Variants in OSBPL5 observed in about 807,000 individuals in gnomAD.
OSBPL5 encodes the protein oxysterol-binding protein-related protein 5.
Under a neutral mutation model 111.2 loss-of-function variants are expected in OSBPL5, and 71 were observed. That is an observed-to-expected ratio of 0.64 (90% confidence interval 0.53 to 0.78). The LOEUF (loss-of-function observed/expected upper bound fraction) is 0.78, where lower values mean the gene tolerates loss of function less well. Among genes scored for constraint, OSBPL5 ranks in the 30% least tolerant of loss-of-function variants. The pLI is 0.00. For missense variants in OSBPL5, 1,210 were observed against 1,189.3 expected (o/e 1.02, Z -0.26); for synonymous variants, 549 against 513.9 (o/e 1.07, Z -0.93).
chr11:3,157,250 C>T (rs1846799185), intron 1 of OSBPL5, among the ~76,000 whole-genome samples: 2 of 152,140 alleles, frequency 1.3e-5, no homozygotes, highest in Non-Finnish European at 2.9e-5. Context: ...CCTTGCGGGG[C>T]CCAGATCTAA....
intron 14 of OSBPL5, 36 bp downstream of exon 14, chr11:3,100,122 G>T (rs1200600836): frequency 1.3e-6 from 2 of 1,595,786 alleles, no homozygotes; most frequent in Non-Finnish European, 1.7e-6. Flanking sequence ...CACAGAGCCT[G>T]GCTCTGCCCT....
intron 14 of OSBPL5, among the ~76,000 whole-genome samples, chr11:3,096,952 GGGA>G (rs375654592): frequency 1.4e-5 from 2 of 141,160 alleles, no homozygotes; most frequent in African/African-American, 2.7e-5. Context: ...GGGAGGAGAT[GGGA>G]GGAGGAGAAG....
rs552382553 is a variant in OSBPL5 at position 3,098,495 on chromosome 11, A to ATTTTTTTTTTTTT, written c.1621+1650_1621+1662dup. 1.2e-3 allele frequency among the ~76,000 whole-genome samples: 95 copies of ATTTTTTTTTTTTT among 81,190 alleles called. 7 individuals carry two copies. Among genetic ancestry groups the ATTTTTTTTTTTTT allele is most frequent in the African/African-American group, 2.9e-3 (46 of 15,912 alleles). The allele number at this position is 81,190 out of a possible 152,430, so 53.3% of individuals were successfully genotyped here. A position where few individuals can be genotyped will look rare whatever the true frequency, so the allele number is the denominator to read the frequency against. On this transcript the variant is annotated intron_variant, in intron 14 of 21. Coordinates refer to ENST00000263650, the MANE Select transcript of OSBPL5 (RefSeq NM_020896.4). ...TCAAGCCATAAAAAGACATGAAGGA[A>ATTTTTTTTTTTTT]TTTTTTTTTTTTTTTTTTTTTTTTT...
At position 3,165,243 on chromosome 11, in the gene OSBPL5, C is replaced by T. The variant is rs539209644; in HGVS notation, c.-49G>A. 52 of 151,020 alleles carry T rather than the reference C, an allele frequency of 3.4e-4. No homozygotes were observed. The highest frequency in any genetic ancestry group is 1.2e-3 in the African/African-American group (51 of 41,350). 9.4% of individuals were successfully genotyped at this position (151,020 alleles called of 1,614,324 possible). A position where few individuals can be genotyped will look rare whatever the true frequency, so the allele number is the denominator to read the frequency against. On this transcript the variant is annotated 5_prime_UTR_variant, in exon 1 of 22. Transcript: ENST00000263650. This position sits in a 1 kb window ranked among gnomAD's most constrained non-coding sequence, Gnocchi z 7.4. ...CCTACCGTGCCGCGAGCTCGGTGCT[C>T]CGGGCCGGCCGGGCGCGCGGGGGCT... is the stretch of plus-strand genomic sequence containing the variant.
chr11:3,090,779 C>T, intron 19 of OSBPL5, 83 bp from the exon 20 acceptor site: 1 of 1,489,268 alleles, frequency 6.7e-7, no homozygotes, highest in Non-Finnish European at 9.0e-7. Context: ...ATGCTTATGC[C>T]AGGACAGTGC....
At chr11:3,157,477 C>T (rs558154015) in intron 1 of OSBPL5, among the ~76,000 whole-genome samples, 1 of 152,226 alleles carries the variant, frequency 6.6e-6, no homozygotes, top group South Asian at 2.1e-4. Context: ...GGCAGCACCC[C>T]GATGGAGGCA....
chr11:3,103,293 G>A lies in OSBPL5; in HGVS notation c.1272C>T (p.Ser424=). Residue 424 remains serine, a synonymous_variant, in exon 11 of 22, where the codon AGC becomes AGT. Coordinates refer to ENST00000263650, the MANE Select transcript of OSBPL5 (RefSeq NM_020896.4). ...SRAAVEEDAY[S]RMKLVLRWYL... ...ACCACCGCAGCACCAGCTTCATGCGGCTGTAGGCATCCTCCTCCACCGCAG... is the reference window on the plus strand; with the variant it reads ...ACCACCGCAGCACCAGCTTCATGCGACTGTAGGCATCCTCCTCCACCGCAG... 6.2e-7 allele frequency: 1 copy of A among 1,607,996 alleles called. No individual in the cohort carries two copies. Among genetic ancestry groups the A allele is most frequent in the Non-Finnish European group, 8.5e-7 (1 of 1,177,280 alleles).
At chr11:3,093,350 C>T in intron 17 of OSBPL5, 177 bp downstream of exon 17, 1 of 1,057,390 alleles carries the variant, frequency 9.5e-7, no homozygotes, top group Non-Finnish European at 1.3e-6. Context: ...GGCCACACCC[C>T]TTCCCTCCAT....
In OSBPL5 at chr11:3,100,975, T is replaced by C. The variant is rs1394728969; in HGVS notation, c.1522+628A>G. Among the ~76,000 whole-genome samples, 20 of 102,790 alleles carry C rather than the reference T, an allele frequency of 1.9e-4. No homozygotes were observed. In the East Asian group the frequency reaches 2.8e-3, roughly 14 times the overall value. 67.4% of individuals were successfully genotyped at this position (102,790 alleles called of 152,430 possible). A position where few individuals can be genotyped will look rare whatever the true frequency, so the allele number is the denominator to read the frequency against. On this transcript the variant is annotated intron_variant, in intron 13 of 21. Coordinates refer to ENST00000263650, the MANE Select transcript of OSBPL5 (RefSeq NM_020896.4). ...ACTGCAGTTTCAGTTTCATTTCTTTTTTTTTTTTTTTTTTTTTGAGACAGA... is the reference window on the plus strand; with the variant it reads ...ACTGCAGTTTCAGTTTCATTTCTTTCTTTTTTTTTTTTTTTTTGAGACAGA...
At chr11:3,131,764 TCTTC>T (rs1845799504) in intron 1 of OSBPL5, among the ~76,000 whole-genome samples, 1 of 77,722 alleles carries the variant, frequency 1.3e-5, no homozygotes. Flanking sequence ...CCATCCACCA[TCTTC>T]CCATCCATCC....
At chr11:3,102,807 A>AGG in intron 11 of OSBPL5, among the ~76,000 whole-genome samples, 1 of 152,272 alleles carries the variant, frequency 6.6e-6, no homozygotes, top group Middle Eastern at 3.4e-3. Flanking sequence ...CTACAACGAG[A>AGG]GCAGCCCTGC....
chr11:3,094,502 G>A (rs1245491960), intron 14 of OSBPL5, 168 bp from the exon 15 acceptor site: 10 of 599,344 alleles, frequency 1.7e-5, no homozygotes, highest in Non-Finnish European at 3.0e-5. Context: ...GGAGGCGCTG[G>A]GAGCAGAACC....
At position 3,130,266 on chromosome 11, in the gene OSBPL5, G is replaced by A. The variant is rs1858780069; in HGVS notation, c.-21-1097C>T. 6.6e-6 allele frequency among the ~76,000 whole-genome samples: 1 copy of A among 152,226 alleles called. No individual in the cohort carries two copies. On this transcript the variant is annotated intron_variant, in intron 1 of 21. Coordinates refer to ENST00000263650, the MANE Select transcript of OSBPL5 (RefSeq NM_020896.4). The surrounding 1 kb of genome is among the most constrained non-coding windows in gnomAD (Gnocchi z 4.5). ...CATCTTGTGTCCACTTCCCAAGGGCGAGCTCCTTAAAAACTACTGGTCAAT... is the reference window on the plus strand; with the variant it reads ...CATCTTGTGTCCACTTCCCAAGGGCAAGCTCCTTAAAAACTACTGGTCAAT...
At position 3,092,374 on chromosome 11, in the gene OSBPL5, G is replaced by T. The variant is rs1199527282; in HGVS notation, c.2259+58C>A. On this transcript the variant is annotated intron_variant, in intron 19 of 21. Coordinates refer to ENST00000263650, the MANE Select transcript of OSBPL5 (RefSeq NM_020896.4). This position sits in a 1 kb window ranked among gnomAD's most constrained non-coding sequence, Gnocchi z 5.4. ...AGGAGTGAGGTGAGGAGCGAGGGGTGGTGGTGGCCACACGTGCAGCTAAGA... is the reference window on the plus strand; with the variant it reads ...AGGAGTGAGGTGAGGAGCGAGGGGTTGTGGTGGCCACACGTGCAGCTAAGA... The T allele has an allele frequency of 2.7e-6, 4 of 1,508,560 alleles. No individual in the cohort carries two copies. Among genetic ancestry groups the T allele is most frequent in the Non-Finnish European group, 8.9e-7 (1 of 1,123,424 alleles). The allele number at this position is 1,508,560 out of a possible 1,614,324, so 93.4% of individuals were successfully genotyped here.
chr11:3,154,765 G>A lies in OSBPL5; in HGVS notation c.-22+10451C>T, dbSNP rs545560091. Reference sequence around the variant, plus strand: ...CTCAGCCCCTAGGACCTGAGAAAGCGGCTGTACTTGGAGATGGGGTCTTTA... The same window carrying A: ...CTCAGCCCCTAGGACCTGAGAAAGCAGCTGTACTTGGAGATGGGGTCTTTA... On this transcript the variant is annotated intron_variant, in intron 1 of 21. Coordinates refer to ENST00000263650, the MANE Select transcript of OSBPL5 (RefSeq NM_020896.4). This position sits in a 1 kb window ranked among gnomAD's most constrained non-coding sequence, Gnocchi z 4.9. Among the ~76,000 whole-genome samples, 27 of 152,230 alleles carry A rather than the reference G, an allele frequency of 1.8e-4. No homozygotes were observed. Among genetic ancestry groups the A allele is most frequent in the East Asian group, 5.8e-4 (3 of 5,178 alleles).
At chr11:3,134,670 C>T (rs1400311560) in intron 1 of OSBPL5, among the ~76,000 whole-genome samples, 2 of 152,234 alleles carry the variant, frequency 1.3e-5, no homozygotes, top group South Asian at 2.1e-4. Flanking sequence ...GGTGGAGACC[C>T]GCTGTCCACC....
At position 3,107,436 on chromosome 11, in the gene OSBPL5, C is replaced by G. The variant is rs1420275013; in HGVS notation, c.886G>C (p.Glu296Gln). Residue 296 changes from glutamate (E) to glutamine (Q), a missense_variant, in exon 9 of 22, where the codon GAG (glutamate) becomes CAG (glutamine). Coordinates refer to ENST00000263650, the MANE Select transcript of OSBPL5 (RefSeq NM_020896.4). The surrounding 1 kb of genome is among the most constrained non-coding windows in gnomAD (Gnocchi z 6.1). ...GACTTGTCTGAGAATGCATCGTTCT[C>G]CAGGGAAGACCCGTTCAGTCTGGAA... ...DLFPLNGSSL[E>Q]NDAFSDKSER... is the part of the protein sequence containing the mutation. 3 of 1,614,052 alleles carry G rather than the reference C, an allele frequency of 1.9e-6. No individual in the cohort carries two copies. Among genetic ancestry groups the G allele is most frequent in the Non-Finnish European group, 2.5e-6 (3 of 1,179,972 alleles).
rs777803242 is a variant in OSBPL5, at chr11:3,092,894, G to A, written c.2105C>T (p.Thr702Ile). Reference protein sequence around the residue: ...KPQLFHLDPITQEWHYRYEDH... With the variant: ...KPQLFHLDPIIQEWHYRYEDH... ...CTCGTATCGGTAGTGCCACTCCTGG[G>A]TGATGGGGTCCAGGTGGAACAGCTG... Residue 702 changes from threonine (T) to isoleucine (I), a missense_variant, in exon 18 of 22, where the codon ACC becomes ATC. By Grantham distance (89) the Thr-to-Ile change is moderately conservative. Transcript: ENST00000263650. The surrounding 1 kb of genome is among the most constrained non-coding windows in gnomAD (Gnocchi z 5.4). 1.4e-4 allele frequency: 213 copies of A among 1,557,110 alleles called. No individual in the cohort carries two copies. The highest frequency in any genetic ancestry group is 1.7e-4 in the Non-Finnish European group (193 of 1,149,788).
intron 7 of OSBPL5, among the ~76,000 whole-genome samples, chr11:3,119,258 G>A (rs1214061046): frequency 6.6e-6 from 1 of 152,068 alleles, no homozygotes. Flanking sequence ...TAATCTACCC[G>A]CCTTGGCTTG....
Sources: gnomAD v4.1 joint callset for allele counts (sites outside exome capture counted in the v4.1 genomes callset) on GRCh38, gnomAD v4.1.1 for gene constraint, Gnocchi (gnomAD v3.1) non-coding constraint, MANE v1.5 for transcripts, NCBI Gene and HGNC (gene_info 2026-07-23, HGNC 2026-07-21) for gene names.